Variants in PLG observed in about 807,000 individuals in gnomAD.
PLG encodes the protein plasmin.
PLG carries 41 observed loss-of-function variants against 104.4 expected under a neutral mutation model. The ratio of observed to expected loss-of-function variants is 0.39; its 90% CI spans 0.31 to 0.51. The LOEUF (loss-of-function observed/expected upper bound fraction) is 0.51, where lower values mean the gene tolerates loss of function less well. Among genes scored for constraint, PLG ranks in the 20% least tolerant of loss-of-function variants. The pLI is 0.76. For synonymous variants in PLG, 337 were observed against 357.1 expected (o/e 0.94, Z 0.63); for missense variants, 891 against 1,003.6 (o/e 0.89, Z 1.52).
chr6:160,752,052 T>C lies in PLG; in HGVS notation c.2126-63T>C, dbSNP rs1420582981. The C allele has an allele frequency of 3.4e-6, 5 of 1,471,998 alleles. No individual in the cohort carries two copies. In the Admixed American group the frequency reaches 6.7e-5, roughly 20 times the overall value. The allele number at this position is 1,471,998 out of a possible 1,614,324, so 91.2% of individuals were successfully genotyped here. A position where few individuals can be genotyped will look rare whatever the true frequency, so the allele number is the denominator to read the frequency against. ...GAGGTCCAGTGCCGCTGCTCTGTTC[T>C]GGAATATCCTCCTGAATGTGTTTTG... On this transcript the variant is annotated intron_variant, in intron 17 of 18. Coordinates refer to ENST00000308192, the MANE Select transcript of PLG (RefSeq NM_000301.5). This position sits in a 1 kb window ranked among gnomAD's most constrained non-coding sequence, Gnocchi z 4.7.
rs1305326410 is a variant in PLG, at chr6:160,704,760, T to A, written c.50-1647T>A. Among the ~76,000 whole-genome samples the A allele has an allele frequency of 3.3e-5, 5 of 152,082 alleles. No homozygotes were observed. The East Asian group carries it at 9.6e-4, about 29-fold the overall frequency. ...TTGAGGAAGGACAAAGTCCCAGAGGTGGGGAGCAGGGGGACTTTGGCCGAG... is the reference window on the plus strand; with the variant it reads ...TTGAGGAAGGACAAAGTCCCAGAGGAGGGGAGCAGGGGGACTTTGGCCGAG... On this transcript the variant is annotated intron_variant, in intron 1 of 18. Coordinates refer to ENST00000308192, the MANE Select transcript of PLG (RefSeq NM_000301.5).
Position 160,718,767 on chromosome 6 carries a change from T to C in PLG, c.1025T>C (p.Val342Ala). The C allele has an allele frequency of 6.2e-7, 1 of 1,613,582 alleles. No homozygotes were observed. The highest frequency in any genetic ancestry group is 8.5e-7 in the Non-Finnish European group (1 of 1,179,594). Residue 342 changes from valine to alanine, a missense_variant, in exon 9 of 19, where the codon GTG (valine) becomes GCG (alanine). Around this residue, in one of 2 missense-constraint regions of PLG, gnomAD observed 854 missense variants for 932.1 expected, o/e 0.92. Transcript: ENST00000308192. ...APWCHTTNSQ[V>A]RWEYCKIPSC... is the part of the protein sequence containing the mutation. ...TGGTGCCATACAACCAACAGCCAAG[T>C]GCGGTGGGAGTACTGTAAGATACCG... is the stretch of plus-strand genomic sequence containing the variant.
At chr6:160,716,498 A>G (rs1777733671) in intron 6 of PLG, 147 bp from the exon 7 acceptor site, 3 of 690,966 alleles carry the variant, frequency 4.3e-6, no homozygotes, top group Non-Finnish European at 5.3e-6. Context: ...CCTTGTTGCC[A>G]TCTCTGAACA....
chr6:160,702,980 C>T (rs1777448182), intron 1 of PLG, among the ~76,000 whole-genome samples: 1 of 152,186 alleles, frequency 6.6e-6, no homozygotes, highest in Non-Finnish European at 1.5e-5. Context: ...CACATACATA[C>T]ATACCTGTGT....
At chr6:160,708,601 A>G (rs959188218) in intron 3 of PLG, 4 of 152,256 alleles carry the variant, frequency 2.6e-5, no homozygotes, top group African/African-American at 7.2e-5. Context: ...GTAGCCAGGT[A>G]TTAAGACTGT....
At position 160,740,751 on chromosome 6, in the gene PLG, AC is replaced by A. The variant is rs1778178342; in HGVS notation, c.2019-558del. Reference sequence around the variant, plus strand: ...ATATGAATGTTCTTTGAAAACAAATACCATTTTGTTCAAGCAAAAGGCTTAT... The same window carrying A: ...ATATGAATGTTCTTTGAAAACAAATACATTTTGTTCAAGCAAAAGGCTTAT... On this transcript the variant is annotated intron_variant, in intron 16 of 18. Transcript: ENST00000308192. The surrounding 1 kb of genome is among the most constrained non-coding windows in gnomAD (Gnocchi z 5.2). Among the ~76,000 whole-genome samples the A allele has an allele frequency of 1.3e-5, 2 of 152,178 alleles. No homozygotes were observed. The highest frequency in any genetic ancestry group is 2.1e-4 in the South Asian group (1 of 4,828).
intron 3 of PLG, among the ~76,000 whole-genome samples, chr6:160,710,359 T>A (rs1324947802): frequency 6.6e-6 from 1 of 152,082 alleles, no homozygotes; most frequent in Admixed American, 6.6e-5. Flanking sequence ...TGCAAAGAAA[T>A]GACTCGTTGT....
At chr6:160,706,248 TAACTA>T (rs1408323068) in intron 1 of PLG, 154 bp from the exon 2 acceptor site, 1 of 929,206 alleles carries the variant, frequency 1.1e-6, no homozygotes, top group Non-Finnish European at 1.7e-6. Flanking sequence ...TGTGTGTTCT[TAACTA>T]AACATTTTGA....
rs746201137 is a variant in PLG, at chr6:160,739,129, C to T, written c.1939C>T (p.Pro647Ser). 5 of 1,614,112 alleles carry T rather than the reference C, an allele frequency of 3.1e-6. No individual in the cohort carries two copies. The East Asian group carries it at 1.1e-4, about 36-fold the overall frequency. The change falls in exon 16 of 19, where the codon CCG becomes TCG. Residue 647 changes from proline (P) to serine (S), a missense_variant. Pro to Ser is a moderately conservative substitution (Grantham distance 74). Around this residue, in one of 2 missense-constraint regions of PLG, gnomAD observed 854 missense variants for 932.1 expected, o/e 0.92. Coordinates refer to ENST00000308192, the MANE Select transcript of PLG (RefSeq NM_000301.5). The surrounding 1 kb of genome is among the most constrained non-coding windows in gnomAD (Gnocchi z 4.4). Reference sequence around the variant, plus strand: ...TGCACACCAAGAAGTGAATCTCGAACCGCATGTTCAGGAAATAGAAGTGTC... The same window carrying T: ...TGCACACCAAGAAGTGAATCTCGAATCGCATGTTCAGGAAATAGAAGTGTC... ...LGAHQEVNLE[P>S]HVQEIEVSRL...
At position 160,731,297 on chromosome 6, in the gene PLG, C is replaced by A; in HGVS notation, c.1438+65C>A. On this transcript the variant is annotated intron_variant, in intron 11 of 18. Coordinates refer to ENST00000308192, the MANE Select transcript of PLG (RefSeq NM_000301.5). This position sits in a 1 kb window ranked among gnomAD's most constrained non-coding sequence, Gnocchi z 5.1. ...TGGGATGAAAAGCCATGGAAAATCTCACTGATGCAGAAACCTTCCATGCTA... is the reference window on the plus strand; with the variant it reads ...TGGGATGAAAAGCCATGGAAAATCTAACTGATGCAGAAACCTTCCATGCTA... The A allele has an allele frequency of 7.2e-7, 1 of 1,381,340 alleles. No individual in the cohort carries two copies. Among genetic ancestry groups the A allele is most frequent in the South Asian group, 1.2e-5 (1 of 86,220 alleles). The allele number at this position is 1,381,340 out of a possible 1,614,324, so 85.6% of individuals were successfully genotyped here. A position where few individuals can be genotyped will look rare whatever the true frequency, so the allele number is the denominator to read the frequency against.
chr6:160,741,211 G>T lies in PLG; in HGVS notation c.2019-100G>T. The T allele has an allele frequency of 1.2e-6, 1 of 831,244 alleles. No individual in the cohort carries two copies. Among genetic ancestry groups the T allele is most frequent in the South Asian group, 1.4e-5 (1 of 73,946 alleles). 51.5% of individuals were successfully genotyped at this position (831,244 alleles called of 1,614,324 possible). On this transcript the variant is annotated intron_variant, in intron 16 of 18. Transcript: ENST00000308192. The surrounding 1 kb of genome is among the most constrained non-coding windows in gnomAD (Gnocchi z 4.7). The stretch of plus-strand genomic sequence containing the variant: ...GTGTCAGTGAAGCAAGGCAGTGCCA[G>T]TTCAGAGGGCTCTGGGGCCTCAAGA...
rs968498654 is a variant in PLG, at chr6:160,739,352, A to G, written c.2018+144A>G. ...CTCAAGGGCTTTGGGGACAGCATCA[A>G]TCTTCAACCCTAGCCCTGCCACATG... is the stretch of plus-strand genomic sequence containing the variant. On this transcript the variant is annotated intron_variant, in intron 16 of 18. Transcript: ENST00000308192. This position sits in a 1 kb window ranked among gnomAD's most constrained non-coding sequence, Gnocchi z 4.4. 2.5e-5 allele frequency: 26 copies of G among 1,056,294 alleles called. No individual in the cohort carries two copies. The highest frequency in any genetic ancestry group is 5.0e-5 in the East Asian group (2 of 39,846). 65.4% of individuals were successfully genotyped at this position (1,056,294 alleles called of 1,614,324 possible).
intron 17 of PLG, among the ~76,000 whole-genome samples, chr6:160,749,734 T>G (rs1582954089): frequency 6.6e-6 from 1 of 150,944 alleles, no homozygotes. Flanking sequence ...ATTAGCATTA[T>G]CATTACCACC....
At chr6:160,703,111 G>A (rs187158158) in intron 1 of PLG, among the ~76,000 whole-genome samples, 1 of 152,062 alleles carries the variant, frequency 6.6e-6, no homozygotes, top group African/African-American at 2.4e-5. Context: ...GGAATATCAT[G>A]TTATTTGCTC....
At chr6:160,751,342 C>T (rs191592502) in intron 17 of PLG, among the ~76,000 whole-genome samples, 1,593 of 152,332 alleles carry the variant, frequency 0.01, 13 homozygotes, top group Non-Finnish European at 0.018. Flanking sequence ...ACTACACAAC[C>T]TCCTTACGCC....
In PLG at chr6:160,738,441, G is replaced by T. The variant is rs1778125238; in HGVS notation, c.1803-97G>T. Reference sequence around the variant, plus strand: ...TCCTTTCCTTTGGGAATATGAACATGGTCAAAATTAAGTGAACGTGTCTTT... The same window carrying T: ...TCCTTTCCTTTGGGAATATGAACATTGTCAAAATTAAGTGAACGTGTCTTT... On this transcript the variant is annotated intron_variant, in intron 14 of 18. Coordinates refer to ENST00000308192, the MANE Select transcript of PLG (RefSeq NM_000301.5). This position sits in a 1 kb window ranked among gnomAD's most constrained non-coding sequence, Gnocchi z 6.8. 2.4e-6 allele frequency: 2 copies of T among 835,166 alleles called. No homozygotes were observed. The highest frequency in any genetic ancestry group is 1.3e-5 in the South Asian group (1 of 74,512). 51.7% of individuals were successfully genotyped at this position (835,166 alleles called of 1,614,324 possible).
At chr6:160,747,586 C>T (rs1011901656) in intron 17 of PLG, among the ~76,000 whole-genome samples, 3 of 151,782 alleles carry the variant, frequency 2.0e-5, no homozygotes, top group Non-Finnish European at 2.9e-5. Context: ...GTGTTTTTCA[C>T]ATCAGCCTTT....
rs187662843 is a variant in PLG, at chr6:160,723,242, T to A, written c.1256+675T>A. Among the ~76,000 whole-genome samples, 208 of 152,086 alleles carry A rather than the reference T, an allele frequency of 1.4e-3. 1 individual carries two copies. Among genetic ancestry groups the A allele is most frequent in the Admixed American group, 3.7e-3 (56 of 15,250 alleles). Reference sequence around the variant, plus strand: ...TGAGCACCAGTGGCCTGAAAGGATATGGGTTGCTGGGACATGAAGAACAAA... The same window carrying A: ...TGAGCACCAGTGGCCTGAAAGGATAAGGGTTGCTGGGACATGAAGAACAAA... On this transcript the variant is annotated intron_variant, in intron 10 of 18. Coordinates refer to ENST00000308192, the MANE Select transcript of PLG (RefSeq NM_000301.5). The surrounding 1 kb of genome is among the most constrained non-coding windows in gnomAD (Gnocchi z 4.7).
chr6:160,752,269 A>C lies in PLG; in HGVS notation c.2271+9A>C. The C allele has an allele frequency of 6.2e-7, 1 of 1,613,216 alleles. No homozygotes were observed. Among genetic ancestry groups the C allele is most frequent in the South Asian group, 1.1e-5 (1 of 91,054 alleles). On this transcript the variant is annotated intron_variant, in intron 18 of 18. Coordinates refer to ENST00000308192, the MANE Select transcript of PLG (RefSeq NM_000301.5). This position sits in a 1 kb window ranked among gnomAD's most constrained non-coding sequence, Gnocchi z 4.7. ...GCACTGACAGTTGCCAGGTAAGCAA[A>C]GATCAAGAGACCAAAGTTAGTCTTG... is the stretch of plus-strand genomic sequence containing the variant.
Sources: allele counts gnomAD v4.1 joint callset (sites outside exome capture counted in the v4.1 genomes callset), GRCh38; gene constraint gnomAD v4.1.1; regional missense constraint gnomAD v4.1.1; non-coding constraint Gnocchi (gnomAD v3.1); transcripts MANE v1.5; gene names NCBI Gene and HGNC (gene_info 2026-07-23, HGNC 2026-07-21).